The following RABL2B variants were observed in gnomAD, a reference collection of about 807,000 sequenced individuals.
RABL2B encodes rab-like protein 2B.
RABL2B carries 17 observed loss-of-function variants against 26.7 expected under a neutral mutation model. That is an observed-to-expected ratio of 0.64 (90% CI 0.44 to 0.95). RABL2B has a LOEUF of 0.95. RABL2B is among the 40% of genes least tolerant of loss of function. RABL2B has a pLI of 0.00. For missense variants in RABL2B, 170 were observed against 277.2 expected, an observed-to-expected ratio of 0.61 and a Z score of 2.75; for synonymous variants, 70 against 103.9, an observed-to-expected ratio of 0.67 and a Z score of 1.99.
intron 4 of RABL2B, among the ~76,000 whole-genome samples, chr22:50,776,272 C>T (rs1290575768): frequency 2.3e-4 from 35 of 152,194 alleles, no homozygotes; most frequent in Admixed American, 4.6e-4. Flanking sequence ...GATGGAAGGT[C>T]GCAGCCCGAT....
intron 2 of RABL2B, chr22:50,780,737 T>C (rs2085696246): frequency 6.4e-6 from 3 of 470,762 alleles, no homozygotes; most frequent in Admixed American, 2.4e-5. Flanking sequence ...GCCAATGTTA[T>C]GGTAATCTTT....
chr22:50,777,799 C>T, intron 3 of RABL2B, 153 bp downstream of exon 3: 7 of 1,184,590 alleles, frequency 5.9e-6, no homozygotes, highest in Non-Finnish European at 8.7e-6. Context: ...GTGGGTCAAT[C>T]GGCAAGAAAC....
chr22:50,771,977 ATTTGTT>A (rs1187509219), intron 5 of RABL2B: 4 of 151,910 alleles, frequency 2.6e-5, no homozygotes, highest in Non-Finnish European at 5.9e-5. Flanking sequence ...TTACTTTATA[ATTTGTT>A]TTTACCTATT....
At chr22:50,780,064 G>A (rs2085565436) in intron 2 of RABL2B, among the ~76,000 whole-genome samples, 1 of 152,126 alleles carries the variant, frequency 6.6e-6, no homozygotes, top group Non-Finnish European at 1.5e-5. Flanking sequence ...AGTGGCTCAT[G>A]CCTGTAATGG....
At chr22:50,771,039 C>A (rs1412195044) in intron 5 of RABL2B, among the ~76,000 whole-genome samples, 1 of 147,476 alleles carries the variant, frequency 6.8e-6, no homozygotes, top group African/African-American at 2.6e-5. Flanking sequence ...ATCACAACTG[C>A]CCCTGATTTT....
chr22:50,772,880 C>G (rs1171561048), intron 5 of RABL2B: 52 of 1,192,782 alleles, frequency 4.4e-5, no homozygotes, highest in Non-Finnish European at 5.6e-5. Flanking sequence ...AGGAGCATCC[C>G]CATCTCAAGG....
intron 5 of RABL2B, among the ~76,000 whole-genome samples, chr22:50,775,049 G>C (rs1177240486): frequency 9.2e-5 from 14 of 152,178 alleles, no homozygotes; most frequent in African/African-American, 3.4e-4. Flanking sequence ...AAAGTGCTGG[G>C]ATTACAGGCA....
At chr22:50,776,019 G>A (rs1263554188) in intron 4 of RABL2B, among the ~76,000 whole-genome samples, 168 bp from the exon 5 acceptor site, 2 of 152,192 alleles carry the variant, frequency 1.3e-5, no homozygotes, top group Non-Finnish European at 2.9e-5. Context: ...AAGACACAGT[G>A]TACCTGAGTG....
At chr22:50,777,541 C>G (rs2085176642) in intron 3 of RABL2B, 1 of 276,552 alleles carries the variant, frequency 3.6e-6, no homozygotes, top group Non-Finnish European at 6.9e-6. Flanking sequence ...GTGGGGCTGG[C>G]AGCTCCTATT....
chr22:50,772,562 C>G (rs1555919594), intron 5 of RABL2B: 1 of 994,404 alleles, frequency 1.0e-6, no homozygotes, highest in Non-Finnish European at 1.2e-6. Context: ...TTCTAAATCA[C>G]CCAGCTATTT....
chr22:50,771,019 A>G (rs5770832), intron 5 of RABL2B, among the ~76,000 whole-genome samples: 145,149 of 149,946 alleles, frequency 0.97, 70,257 homozygotes, highest in East Asian at 1. Flanking sequence ...TGGGGTTACA[A>G]GTGTTAGCCA....
At chr22:50,771,082 AC>A (rs1555918160) in intron 5 of RABL2B, 1 of 148,536 alleles carries the variant, frequency 6.7e-6, no homozygotes, top group African/African-American at 2.5e-5. Context: ...TCACTCTGTT[AC>A]CCAGGCTGGA....
intron 5 of RABL2B, among the ~76,000 whole-genome samples, chr22:50,773,548 C>T (rs553341830): frequency 6.6e-6 from 1 of 151,754 alleles, no homozygotes; most frequent in South Asian, 2.1e-4. Flanking sequence ...CAGGAGCACA[C>T]ACGAAAGAGC....
Position 50,775,833 on chromosome 22 carries a change from C to T in RABL2B, c.236G>A (p.Gly79Asp). 6.2e-6 allele frequency: 10 copies of T among 1,614,206 alleles called. No homozygotes were observed. The highest frequency in any genetic ancestry group is 8.5e-6 in the Non-Finnish European group (10 of 1,180,038). Reference sequence around the variant, plus strand: ...ATGCATGCTCTGGAACCGCTCCTGGCCTGCCGTGTCCCAAAAGTCTGCAAT... The same window carrying T: ...ATGCATGCTCTGGAACCGCTCCTGGTCTGCCGTGTCCCAAAAGTCTGCAAT... ...TILVDFWDTA[G>D]QERFQSMHAS... Residue 79 changes from glycine (G) to aspartate (D), a missense_variant, in exon 5 of 9, where the codon GGC (glycine) becomes GAC (aspartate). Gly to Asp is a moderately conservative substitution (Grantham distance 94, BLOSUM62 -1). Around this residue, in one of 2 missense-constraint regions of RABL2B, gnomAD observed 165 missense variants for 232.0 expected, o/e 0.71. Coordinates refer to ENST00000691320, the MANE Select transcript of RABL2B (RefSeq NM_001130919.3).
chr22:50,783,458 T>A (rs1181375329), intron 1 of RABL2B, 43 bp downstream of exon 1: 1 of 152,032 alleles, frequency 6.6e-6, no homozygotes, highest in Non-Finnish European at 1.5e-5. Flanking sequence ...GGAGGGGCTG[T>A]CCCCGCGTGC....
intron 5 of RABL2B, chr22:50,772,921 G>A (rs555593886): frequency 8.3e-6 from 10 of 1,208,862 alleles, no homozygotes; most frequent in African/African-American, 6.4e-5. Flanking sequence ...CCCTGGTTCC[G>A]TCTCTGACCC....
chr22:50,781,719 G>A (rs568986417), intron 2 of RABL2B, among the ~76,000 whole-genome samples: 1 of 152,174 alleles, frequency 6.6e-6, no homozygotes, highest in African/African-American at 2.4e-5. Flanking sequence ...CGGGTGGCAC[G>A]TAGGCACCGA....
intron 4 of RABL2B, 35 bp from the exon 5 acceptor site, chr22:50,775,886 G>A (rs1555923506): frequency 6.2e-7 from 1 of 1,614,094 alleles, no homozygotes; most frequent in Non-Finnish European, 8.5e-7. Flanking sequence ...TACATGCCTG[G>A]TGCACTTCTG....
intron 5 of RABL2B, chr22:50,770,246 T>G (rs1555917382): frequency 3.9e-6 from 2 of 519,422 alleles, no homozygotes; most frequent in Non-Finnish European, 6.6e-6. Flanking sequence ...CCCAGTGCAG[T>G]GGCTCACACC....
Sources: allele counts gnomAD v4.1 joint callset (sites outside exome capture counted in the v4.1 genomes callset), GRCh38; gene constraint gnomAD v4.1.1; regional missense constraint gnomAD v4.1.1; transcripts MANE v1.5; gene names NCBI Gene and HGNC (gene_info 2026-07-23, HGNC 2026-07-21).